The following WASHC2A variants were observed in gnomAD, a reference collection of about 807,000 sequenced individuals.
WASHC2A encodes the protein WASH complex subunit 2A.
A neutral mutation model predicts 140.3 loss-of-function variants in WASHC2A; 82 were observed. The ratio of observed to expected loss-of-function variants is 0.58; its 90% CI spans 0.49 to 0.70. The LOEUF (loss-of-function observed/expected upper bound fraction) is 0.70. Ranked by LOEUF, WASHC2A falls within the 30% of genes least tolerant of loss-of-function variation. WASHC2A has a pLI of 0.00. For missense variants in WASHC2A, 985 were observed against 1,521.8 expected, an observed-to-expected ratio of 0.65 and a Z score of 5.87; for synonymous variants, 340 against 560.8, an observed-to-expected ratio of 0.61 and a Z score of 5.56.
chr10:50,093,766 A>T, intron 12 of WASHC2A, 94 bp from the exon 13 acceptor site: 1 of 608,436 alleles, frequency 1.6e-6, no homozygotes. Flanking sequence ...GTAGCTTTAA[A>T]TCTTGTAGGT....
In WASHC2A at chr10:50,130,044, T is replaced by C. The variant is rs1209716380; in HGVS notation, c.3708+5T>C. 6.2e-6 allele frequency: 10 copies of C among 1,611,768 alleles called. No homozygotes were observed. Among genetic ancestry groups the C allele is most frequent in the African/African-American group, 1.3e-5 (1 of 74,840 alleles). The stretch of plus-strand genomic sequence containing the variant: ...ACAACACAAGATATTTTTGAGGTAA[T>C]AGGACTTAACACGTTTTTGTGTCTG... On this transcript the variant is annotated splice_donor_5th_base_variant and intron_variant, in intron 29 of 30. Transcript: ENST00000282633.
chr10:50,097,596 GGAA>G (rs1365300037), intron 15 of WASHC2A, 76 bp from the exon 16 acceptor site: 1 of 1,093,182 alleles, frequency 9.1e-7, no homozygotes, highest in Admixed American at 2.8e-5. Flanking sequence ...TCTTTGGGAG[GGAA>G]GAATTTTTTA....
At position 50,072,481 on chromosome 10, in the gene WASHC2A, C is replaced by CTTTTT. The variant is rs11440968; in HGVS notation, c.291+2789_291+2793dup. Among the ~76,000 whole-genome samples the CTTTTT allele has an allele frequency of 2.3e-3, 208 of 90,624 alleles. 11 individuals are homozygous for CTTTTT. The highest frequency in any genetic ancestry group is 7.0e-3 in the East Asian group (16 of 2,300). 59.5% of individuals were successfully genotyped at this position (90,624 alleles called of 152,430 possible). ...TGATATATATTTGTAAGTGATCTGG[C>CTTTTT]TTTTTTTTTTTTTTTTTTTTTTTGA... On this transcript the variant is annotated intron_variant, in intron 3 of 30. Coordinates refer to ENST00000282633, the MANE Select transcript of WASHC2A (RefSeq NM_001005751.3).
rs782068873 is a variant in WASHC2A, at chr10:50,068,024, A to T, written c.3+16A>T. On this transcript the variant is annotated intron_variant, in intron 1 of 30. Transcript: ENST00000282633. ...GGCTAGGATGGTGAGGGCGCCGGGC[A>T]GGAGAGAGGCCGGCCTGGGCTGGGG... The T allele has an allele frequency of 6.8e-6, 11 of 1,607,892 alleles. No homozygotes were observed. Among genetic ancestry groups the T allele is most frequent in the African/African-American group, 2.7e-5 (2 of 74,810 alleles).
intron 23 of WASHC2A, among the ~76,000 whole-genome samples, chr10:50,124,654 A>G (rs1271264692): frequency 2.4e-4 from 36 of 152,136 alleles, no homozygotes; most frequent in African/African-American, 7.5e-4. Context: ...AGGGACACAT[A>G]CTTGACCACT....
chr10:50,068,064 G>A (rs1554874585), intron 1 of WASHC2A, 41 bp from the exon 2 acceptor site: 1 of 1,608,938 alleles, frequency 6.2e-7, no homozygotes, highest in South Asian at 1.1e-5. Flanking sequence ...CGTCCCTGCC[G>A]CCCTCAGGCT....
intron 23 of WASHC2A, among the ~76,000 whole-genome samples, chr10:50,120,179 A>G (rs1554892965): frequency 6.8e-6 from 1 of 147,914 alleles, no homozygotes; most frequent in East Asian, 2.0e-4. Flanking sequence ...ATTTCTATAA[A>G]GGACCATATA....
chr10:50,118,196 G>A (rs1364570186), intron 22 of WASHC2A, 138 bp downstream of exon 22: 5 of 636,058 alleles, frequency 7.9e-6, no homozygotes, highest in Admixed American at 2.8e-5. Context: ...AGACAAGCAG[G>A]CTGTGTCCCC....
chr10:50,068,060 T>C, intron 1 of WASHC2A, 45 bp from the exon 2 acceptor site: 1 of 1,608,818 alleles, frequency 6.2e-7, no homozygotes. Flanking sequence ...CCGCCGTCCC[T>C]GCCGCCCTCA....
At chr10:50,102,166 G>A (rs1841263948) in intron 17 of WASHC2A, among the ~76,000 whole-genome samples, 1 of 152,188 alleles carries the variant, frequency 6.6e-6, no homozygotes, top group African/African-American at 2.4e-5. Context: ...CCCCATGTGT[G>A]TCATCATAGA....
In WASHC2A at chr10:50,107,423, G is replaced by T. The variant is rs1452667505; in HGVS notation, c.1869+958G>T. Among the ~76,000 whole-genome samples the T allele has an allele frequency of 3.0e-4, 45 of 149,202 alleles. No homozygotes were observed. In the South Asian group the frequency reaches 7.8e-3, roughly 26 times the overall value. On this transcript the variant is annotated intron_variant, in intron 19 of 30. Transcript: ENST00000282633. ...ATTTAGTAGCAGGGAATCAGATTTA[G>T]CTGTGCAGAAAAAGACTTTAAATAT...
chr10:50,091,635 A>G (rs1324818212), intron 10 of WASHC2A, 117 bp downstream of exon 10: 2 of 934,574 alleles, frequency 2.1e-6, no homozygotes, highest in African/African-American at 3.3e-5. Context: ...TTTATTAGTA[A>G]TTGCTACATA....
chr10:50,133,006 T>C lies in WASHC2A; in HGVS notation c.*61T>C, dbSNP rs1844120930. 1 of 1,611,658 alleles carries C rather than the reference T, an allele frequency of 6.2e-7. No homozygotes were observed. Among genetic ancestry groups the C allele is most frequent in the Non-Finnish European group, 8.5e-7 (1 of 1,179,550 alleles). ...CATTGTTGAGTTAGTGATGATGTTGTATATGCTGATGGTCTTAACTGGATT... is the reference window on the plus strand; with the variant it reads ...CATTGTTGAGTTAGTGATGATGTTGCATATGCTGATGGTCTTAACTGGATT... On this transcript the variant is annotated 3_prime_UTR_variant, in exon 31 of 31. Coordinates refer to ENST00000282633, the MANE Select transcript of WASHC2A (RefSeq NM_001005751.3).
intron 3 of WASHC2A, among the ~76,000 whole-genome samples, chr10:50,074,926 T>TAATAAATAAATA (rs368841772): frequency 1.3e-5 from 2 of 150,408 alleles, no homozygotes; most frequent in African/African-American, 4.9e-5. Context: ...AAAAAAATAA[T>TAATAAATAAATA]AATAAATAAA....
intron 8 of WASHC2A, among the ~76,000 whole-genome samples, chr10:50,089,682 C>T (rs1416992137): frequency 1.3e-5 from 2 of 152,164 alleles, no homozygotes; most frequent in African/African-American, 2.4e-5. Flanking sequence ...TGTTATTCTG[C>T]GCTTTTTTGC....
chr10:50,113,533 A>G (rs1274619818), intron 20 of WASHC2A, among the ~76,000 whole-genome samples: 1 of 152,040 alleles, frequency 6.6e-6, no homozygotes, highest in Non-Finnish European at 1.5e-5. Context: ...AATTCTGGAA[A>G]TAGGCCTGTC....
chr10:50,124,503 G>C (rs1843257129), intron 23 of WASHC2A, among the ~76,000 whole-genome samples: 1 of 152,054 alleles, frequency 6.6e-6, no homozygotes, highest in Non-Finnish European at 1.5e-5. Context: ...TAATGTTGAT[G>C]GTAACTTTTA....
In WASHC2A at chr10:50,133,120, C is replaced by T. The variant is rs1298709547; in HGVS notation, c.*175C>T. The stretch of plus-strand genomic sequence containing the variant: ...ACTGGTTTAATCATGCTTAATACTA[C>T]AAAACAAAAATAAATATTTCACAGT... On this transcript the variant is annotated 3_prime_UTR_variant, in exon 31 of 31. Coordinates refer to ENST00000282633, the MANE Select transcript of WASHC2A (RefSeq NM_001005751.3). 4.7e-6 allele frequency: 5 copies of T among 1,072,738 alleles called. No individual in the cohort carries two copies. Among genetic ancestry groups the T allele is most frequent in the Admixed American group, 2.7e-5 (1 of 36,434 alleles). The allele number at this position is 1,072,738 out of a possible 1,614,324, so 66.5% of individuals were successfully genotyped here. A position where few individuals can be genotyped will look rare whatever the true frequency, so the allele number is the denominator to read the frequency against.
At chr10:50,077,335 A>G (rs1268672439) in intron 3 of WASHC2A, among the ~76,000 whole-genome samples, 1 of 152,106 alleles carries the variant, frequency 6.6e-6, no homozygotes, top group Non-Finnish European at 1.5e-5. Context: ...GGAGAGCTCT[A>G]AATATATGCA....
Sources: allele counts gnomAD v4.1 joint callset (sites outside exome capture counted in the v4.1 genomes callset), GRCh38; gene constraint gnomAD v4.1.1; transcripts MANE v1.5; gene names NCBI Gene and HGNC (gene_info 2026-07-23, HGNC 2026-07-21).